The following SPTA1 variants were observed in gnomAD, a reference collection of about 807,000 sequenced individuals.
SPTA1 encodes spectrin alpha, erythrocytic 1, also known as spectrin alpha chain, erythrocytic 1.
A neutral mutation model predicts 324.7 loss-of-function variants in SPTA1; 177 were observed. That is an observed-to-expected ratio of 0.55 (90% CI 0.48 to 0.62). The LOEUF (loss-of-function observed/expected upper bound fraction) is 0.62, where lower values mean the gene tolerates loss of function less well. SPTA1 is among the 20% of genes least tolerant of loss of function. SPTA1 has a pLI of 0.00. For missense variants in SPTA1, 3,162 were observed against 2,883.6 expected, an observed-to-expected ratio of 1.10 and a Z score of -2.21; for synonymous variants, 1,195 against 1,041.3, an observed-to-expected ratio of 1.15 and a Z score of -2.84.
chr1:158,671,494 G>A (rs41273529), intron 11 of SPTA1, 41 bp from the exon 12 acceptor site: 32 of 1,510,010 alleles, frequency 2.1e-5, no homozygotes, highest in East Asian at 2.0e-4. Flanking sequence ...GTGTCTGACC[G>A]GTAAGAAACA....
intron 17 of SPTA1, 31 bp from the exon 18 acceptor site, chr1:158,661,440 A>G: frequency 6.2e-7 from 1 of 1,613,544 alleles, no homozygotes; most frequent in Non-Finnish European, 8.5e-7. Flanking sequence ...AAAGTTTCGG[A>G]TTATCCTGGT....
chr1:158,662,900 T>C lies in SPTA1; in HGVS notation c.2266A>G (p.Ile756Val), dbSNP rs1437194633. ...LTDLAAYFEEIGHPDSKDIRA... is the reference protein window; with the variant it reads ...LTDLAAYFEEVGHPDSKDIRA... ...ATATCCTTAGAATCAGGATGGCCTATTTCTTCAAAATATGCAGCCAGGTCT... is the reference window on the plus strand; with the variant it reads ...ATATCCTTAGAATCAGGATGGCCTACTTCTTCAAAATATGCAGCCAGGTCT... The change falls in exon 17 of 52, where the codon ATA becomes GTA. Residue 756 changes from isoleucine to valine, a missense_variant. Coordinates refer to ENST00000643759, the MANE Select transcript of SPTA1 (RefSeq NM_003126.4). 6.2e-7 allele frequency: 1 copy of C among 1,614,094 alleles called. No homozygotes were observed. Among genetic ancestry groups the C allele is most frequent in the South Asian group, 1.1e-5 (1 of 91,080 alleles).
At chr1:158,681,423 C>T in intron 4 of SPTA1, 104 bp downstream of exon 4, 1 of 1,572,006 alleles carries the variant, frequency 6.4e-7, no homozygotes, top group South Asian at 1.1e-5. Flanking sequence ...AAGCCAGGAA[C>T]AGACATCCTG....
At chr1:158,647,321 T>C (rs1035492239) in intron 27 of SPTA1, among the ~76,000 whole-genome samples, 1 of 152,230 alleles carries the variant, frequency 6.6e-6, no homozygotes, top group Non-Finnish European at 1.5e-5. Context: ...TTCTACATTA[T>C]AGAAGCTTAC....
chr1:158,644,250 T>C lies in SPTA1; in HGVS notation c.4338+3A>G. On this transcript the variant is annotated splice_donor_region_variant and intron_variant, in intron 30 of 51. Coordinates refer to ENST00000643759, the MANE Select transcript of SPTA1 (RefSeq NM_003126.4). ...TTTTAATTCCTTTACTAGTCATTAT[T>C]ACCTGGGCAGTGATTGCTTTGTCCA... 1 of 1,613,830 alleles carries C rather than the reference T, an allele frequency of 6.2e-7. No homozygotes were observed. Among genetic ancestry groups the C allele is most frequent in the Non-Finnish European group, 8.5e-7 (1 of 1,179,848 alleles).
intron 48 of SPTA1, chr1:158,614,526 G>A (rs997849916): frequency 4.3e-6 from 2 of 460,768 alleles, no homozygotes; most frequent in Non-Finnish European, 7.7e-6. Context: ...TCATATGGTT[G>A]AAGACAATCA....
intron 7 of SPTA1, 132 bp downstream of exon 7, chr1:158,677,558 A>G (rs1654469653): frequency 4.7e-6 from 5 of 1,057,842 alleles, no homozygotes; most frequent in South Asian, 1.4e-5. Flanking sequence ...AGCGTATTCA[A>G]GTGCACACAA....
Position 158,656,648 on chromosome 1 carries a change from T to C in SPTA1, c.2814A>G (p.Leu938=), listed in dbSNP as rs767108949. The change falls in exon 20 of 52, where the codon CTA becomes CTG. Residue 938 remains leucine, a synonymous_variant. Transcript: ENST00000643759. Reference sequence around the variant, plus strand: ...CTAATAGAAAGGCCTCATGCTTCTTTAGAAGAGCCTGCATTTATTGATGGA... The same window carrying C: ...CTAATAGAAAGGCCTCATGCTTCTTCAGAAGAGCCTGCATTTATTGATGGA... The part of the protein sequence containing the change: ...GADEEAAGAL[L]KKHEAFLLDL... The C allele has an allele frequency of 5.0e-6, 8 of 1,613,176 alleles. No homozygotes were observed. Among genetic ancestry groups the C allele is most frequent in the Non-Finnish European group, 6.8e-6 (8 of 1,179,598 alleles).
chr1:158,674,216 A>G, intron 10 of SPTA1, 113 bp downstream of exon 10: 1 of 1,096,716 alleles, frequency 9.1e-7, no homozygotes. Context: ...TATTATTAAC[A>G]CGTTTAAATG....
chr1:158,676,120 T>C, intron 8 of SPTA1, 21 bp downstream of exon 8: 2 of 1,613,064 alleles, frequency 1.2e-6, no homozygotes, highest in African/African-American at 1.3e-5. Context: ...GGTAGAGCAA[T>C]AAAGGGGAGG....
intron 39 of SPTA1, among the ~76,000 whole-genome samples, chr1:158,629,181 ATATATCTCTATCTATC>A (rs1557933044): frequency 1.9e-4 from 19 of 102,258 alleles, no homozygotes; most frequent in African/African-American, 5.5e-4. Context: ...GAGAGACAAA[ATATATCTCTATCTATC>A]TATCTATCTA....
chr1:158,642,195 A>C (rs1651644662), intron 33 of SPTA1, among the ~76,000 whole-genome samples: 1 of 152,052 alleles, frequency 6.6e-6, no homozygotes, highest in Admixed American at 6.6e-5. Flanking sequence ...GCATTAGGAG[A>C]TATACCTAAT....
rs550406564 is a variant in SPTA1 at position 158,620,523 on chromosome 1, G to T, written c.6121-57C>A. The T allele has an allele frequency of 6.2e-6, 10 of 1,600,944 alleles. No individual in the cohort carries two copies. The African/African-American group carries it at 1.3e-4, about 22-fold the overall frequency. ...TTCCTGATAAAGCCTCTCAGCAGAA[G>T]AGAAGATTGAGGATAAAAATAATGC... is the stretch of plus-strand genomic sequence containing the variant. On this transcript the variant is annotated intron_variant, in intron 43 of 51. Coordinates refer to ENST00000643759, the MANE Select transcript of SPTA1 (RefSeq NM_003126.4).
At chr1:158,645,688 T>C in intron 27 of SPTA1, 94 bp from the exon 28 acceptor site, 1 of 1,347,912 alleles carries the variant, frequency 7.4e-7, no homozygotes, top group Non-Finnish European at 1.1e-6. Flanking sequence ...AGAAAACATT[T>C]CCAGAATAAC....
chr1:158,632,942 G>A (rs1300132329), intron 39 of SPTA1, among the ~76,000 whole-genome samples: 1 of 152,140 alleles, frequency 6.6e-6, no homozygotes, highest in Admixed American at 6.5e-5. Flanking sequence ...CCCTCAACAG[G>A]TGAGTGGTTC....
At chr1:158,619,032 A>C (rs1234755593) in intron 45 of SPTA1, among the ~76,000 whole-genome samples, 190 bp downstream of exon 45, 1 of 152,220 alleles carries the variant, frequency 6.6e-6, no homozygotes, top group Non-Finnish European at 1.5e-5. Context: ...TGAAATTGTC[A>C]TTTCTTGGTT....
intron 34 of SPTA1, 66 bp from the exon 35 acceptor site, chr1:158,639,752 C>T: frequency 6.2e-7 from 1 of 1,611,408 alleles, no homozygotes; most frequent in Non-Finnish European, 8.5e-7. Context: ...ATAAGATCAG[C>T]AGCTATGTCC....
At position 158,667,924 on chromosome 1, in the gene SPTA1, C is replaced by T; in HGVS notation, c.1972G>A (p.Val658Met). The change falls in exon 15 of 52, where the codon GTG (valine) becomes ATG (methionine). Residue 658 changes from valine to methionine, a missense_variant. By Grantham distance (21) the Val-to-Met change is conservative. Coordinates refer to ENST00000643759, the MANE Select transcript of SPTA1 (RefSeq NM_003126.4). ...IEGGHYASDNVTTRLSEVASL... is the reference protein window; with the variant it reads ...IEGGHYASDNMTTRLSEVASL... ...GCAACTTCACTCAGACGAGTGGTCA[C>T]ATTGTCAGAGGCATAGTGACCACCC... is the stretch of plus-strand genomic sequence containing the variant. The T allele has an allele frequency of 6.2e-7, 1 of 1,614,078 alleles. No individual in the cohort carries two copies. The highest frequency in any genetic ancestry group is 8.5e-7 in the Non-Finnish European group (1 of 1,180,008).
intron 39 of SPTA1, among the ~76,000 whole-genome samples, chr1:158,631,858 G>T (rs762098287): frequency 1.3e-5 from 2 of 152,094 alleles, no homozygotes; most frequent in African/African-American, 2.4e-5. Flanking sequence ...ATGCAAAATG[G>T]CACAGCTGTT....
Sources: allele counts gnomAD v4.1 joint callset (sites outside exome capture counted in the v4.1 genomes callset), GRCh38; gene constraint gnomAD v4.1.1; transcripts MANE v1.5; gene names NCBI Gene and HGNC (gene_info 2026-07-23, HGNC 2026-07-21).